VPS26A: variants seen among roughly 807,000 people sequenced by gnomAD.
The protein encoded by VPS26A is vacuolar protein sorting-associated protein 26A.
Under a neutral mutation model 42.4 loss-of-function variants are expected in VPS26A, and 22 were observed. That is an observed-to-expected ratio of 0.52 (90% confidence interval 0.37 to 0.74). The LOEUF is 0.74. VPS26A is among the 30% of genes least tolerant of loss of function. The pLI, the probability that VPS26A is intolerant of heterozygous loss-of-function variation, is 0.00. For synonymous variants in VPS26A, 110 were observed against 123.5 expected, an observed-to-expected ratio of 0.89 and a Z score of 0.73; for missense variants, 276 against 379.2, an observed-to-expected ratio of 0.73 and a Z score of 2.26.
At chr10:69,142,193 T>G (rs891452759) in intron 2 of VPS26A, among the ~76,000 whole-genome samples, 3 of 146,772 alleles carry the variant, frequency 2.0e-5, no homozygotes, top group African/African-American at 7.7e-5. Context: ...TTTTTTTTTT[T>G]TTTTTTTTTT....
At chr10:69,152,969 CAAA>C (rs11284955) in intron 2 of VPS26A, among the ~76,000 whole-genome samples, 5 of 129,574 alleles carry the variant, frequency 3.9e-5, no homozygotes, top group Admixed American at 7.5e-5. Flanking sequence ...GGCTCTGTCT[CAAA>C]AAAAAAAAAA....
Position 69,171,549 on chromosome 10 carries a change from A to G in VPS26A, c.*280A>G, listed in dbSNP as rs1024977093. On this transcript the variant is annotated 3_prime_UTR_variant, in exon 9 of 9. Transcript: ENST00000263559. ...ACTTTGATGATAAGCACTCAGATAT[A>G]TATCAGCGTAAACATGAAAAATTTT... The G allele has an allele frequency of 8.0e-6, 2 of 249,948 alleles. No individual in the cohort carries two copies. Among genetic ancestry groups the G allele is most frequent in the African/African-American group, 4.6e-5 (2 of 43,496 alleles). 15.5% of individuals were successfully genotyped at this position (249,948 alleles called of 1,614,324 possible). A position where few individuals can be genotyped will look rare whatever the true frequency, so the allele number is the denominator to read the frequency against.
intron 5 of VPS26A, chr10:69,161,732 G>A: frequency 2.6e-6 from 1 of 390,220 alleles, no homozygotes. Context: ...ACATACATGG[G>A]CTCATCACAA....
At chr10:69,165,731 G>A (rs1244866582) in intron 6 of VPS26A, among the ~76,000 whole-genome samples, 3 of 151,996 alleles carry the variant, frequency 2.0e-5, no homozygotes, top group African/African-American at 7.3e-5. Context: ...GATTGCTTGA[G>A]TTCAGGAGTT....
intron 1 of VPS26A, among the ~76,000 whole-genome samples, chr10:69,126,048 A>T (rs562892329): frequency 3.9e-4 from 60 of 152,364 alleles, no homozygotes; most frequent in African/African-American, 1.4e-3. Flanking sequence ...ATTGCAGTCC[A>T]GTTATTTAAA....
chr10:69,170,041 A>AT (rs1841783365), intron 8 of VPS26A: 1 of 152,250 alleles, frequency 6.6e-6, no homozygotes, highest in African/African-American at 2.4e-5. Flanking sequence ...AATCAGATTA[A>AT]TAAACATGTA....
At chr10:69,159,458 A>G (rs185421793) in intron 5 of VPS26A, among the ~76,000 whole-genome samples, 1 of 152,242 alleles carries the variant, frequency 6.6e-6, no homozygotes, top group African/African-American at 2.4e-5. Context: ...TATTAAGTGA[A>G]AAATTTAGCC....
chr10:69,139,438 G>C (rs1436248908), intron 2 of VPS26A, among the ~76,000 whole-genome samples: 3 of 152,028 alleles, frequency 2.0e-5, no homozygotes, highest in Admixed American at 2.0e-4. Context: ...CAAGTAGCTG[G>C]GACTACAGGT....
intron 1 of VPS26A, 25 bp from the exon 2 acceptor site, chr10:69,132,873 T>C: frequency 6.4e-7 from 1 of 1,568,998 alleles, no homozygotes; most frequent in Non-Finnish European, 8.6e-7. Context: ...ACATGATAAT[T>C]ATGACCATTT....
intron 6 of VPS26A, among the ~76,000 whole-genome samples, chr10:69,164,680 C>T (rs944223190): frequency 2.0e-5 from 3 of 152,146 alleles, no homozygotes; most frequent in South Asian, 4.1e-4. Context: ...CTTTTTCACA[C>T]TGAAGTTCTA....
chr10:69,171,392 C>T lies in VPS26A; in HGVS notation c.*123C>T. ...AGGCCAAAACTCCATATATGTTAGTCTTCCTTTATCTTACAGCGCAGCATT... is the reference window on the plus strand; with the variant it reads ...AGGCCAAAACTCCATATATGTTAGTTTTCCTTTATCTTACAGCGCAGCATT... On this transcript the variant is annotated 3_prime_UTR_variant, in exon 9 of 9. Transcript: ENST00000263559. 1 of 686,370 alleles carries T rather than the reference C, an allele frequency of 1.5e-6. No individual in the cohort carries two copies. The highest frequency in any genetic ancestry group is 2.5e-6 in the Non-Finnish European group (1 of 402,608). The allele number at this position is 686,370 out of a possible 1,614,324, so 42.5% of individuals were successfully genotyped here. A position where few individuals can be genotyped will look rare whatever the true frequency, so the allele number is the denominator to read the frequency against.
At chr10:69,126,129 A>G (rs1351873298) in intron 1 of VPS26A, among the ~76,000 whole-genome samples, 2 of 152,202 alleles carry the variant, frequency 1.3e-5, no homozygotes, top group African/African-American at 2.4e-5. Flanking sequence ...GCGCCCTTGA[A>G]GATATCTTTA....
intron 2 of VPS26A, among the ~76,000 whole-genome samples, chr10:69,137,579 A>G (rs779575970): frequency 3.3e-5 from 5 of 152,128 alleles, no homozygotes; most frequent in Non-Finnish European, 7.3e-5. Flanking sequence ...CATCACTCTG[A>G]CATTCATCTT....
chr10:69,168,746 C>CACT, intron 8 of VPS26A, 115 bp downstream of exon 8: 1 of 1,299,274 alleles, frequency 7.7e-7, no homozygotes, highest in Non-Finnish European at 1.0e-6. Flanking sequence ...TAAATAAAAA[C>CACT]ACTGTGGGTA....
intron 1 of VPS26A, among the ~76,000 whole-genome samples, chr10:69,126,121 G>A (rs1840647466): frequency 6.6e-6 from 1 of 152,008 alleles, no homozygotes; most frequent in Non-Finnish European, 1.5e-5. Context: ...TTCCAAATGC[G>A]CCCTTGAAGA....
chr10:69,144,436 AC>A (rs1391491547), intron 2 of VPS26A, among the ~76,000 whole-genome samples: 1 of 152,098 alleles, frequency 6.6e-6, no homozygotes, highest in Non-Finnish European at 1.5e-5. Context: ...CACCTGCGCT[AC>A]CACCACCATC....
At chr10:69,132,654 G>T (rs1840810658) in intron 1 of VPS26A, among the ~76,000 whole-genome samples, 2 of 151,968 alleles carry the variant, frequency 1.3e-5, no homozygotes, top group Non-Finnish European at 2.9e-5. Flanking sequence ...TATTGGTCAG[G>T]CTGGTCTTGA....
intron 2 of VPS26A, among the ~76,000 whole-genome samples, chr10:69,139,674 T>G (rs1840997198): frequency 6.6e-6 from 1 of 152,184 alleles, no homozygotes. Flanking sequence ...TTTTTTCATT[T>G]GAGGAAAGTT....
At chr10:69,144,420 C>G (rs1841110501) in intron 2 of VPS26A, among the ~76,000 whole-genome samples, 1 of 150,594 alleles carries the variant, frequency 6.6e-6, no homozygotes. Flanking sequence ...AGTCATGCCG[C>G]TCTGGCACCT....
Sources: allele counts gnomAD v4.1 joint callset (sites outside exome capture counted in the v4.1 genomes callset), GRCh38; gene constraint gnomAD v4.1.1; transcripts MANE v1.5; gene names NCBI Gene and HGNC (gene_info 2026-07-23, HGNC 2026-07-21).